Variants in PTPRJ observed in about 807,000 individuals in gnomAD.
The protein encoded by PTPRJ is receptor-type tyrosine-protein phosphatase eta.
Under a neutral mutation model 141.3 loss-of-function variants are expected in PTPRJ, and 129 were observed. That is an observed-to-expected ratio of 0.91 (90% CI 0.79 to 1.06). PTPRJ has a LOEUF of 1.06. Ranked by LOEUF, PTPRJ falls within the 50% of genes least tolerant of loss-of-function variation. The probability of loss-of-function intolerance (pLI) is 0.00; values close to 1 mark genes in which losing one functional copy is unlikely to be tolerated. For synonymous variants in PTPRJ, 610 were observed against 640.5 expected, an observed-to-expected ratio of 0.95 and a Z score of 0.72; for missense variants, 1,601 against 1,679.7, an observed-to-expected ratio of 0.95 and a Z score of 0.82.
intron 23 of PTPRJ, 75 bp downstream of exon 23, chr11:48,163,693 G>A: frequency 6.9e-7 from 1 of 1,457,274 alleles, no homozygotes. Flanking sequence ...CAAAAGCAAA[G>A]CCTAAGAGGG....
chr11:48,005,783 C>G (rs1854605907), intron 1 of PTPRJ, among the ~76,000 whole-genome samples: 1 of 152,202 alleles, frequency 6.6e-6, no homozygotes, highest in East Asian at 1.9e-4. Context: ...TCTGCCCTTA[C>G]TGGGCTGGGT....
rs951159530 is a variant in PTPRJ, at chr11:48,113,093, T to C, written c.352+110T>C. On this transcript the variant is annotated intron_variant, in intron 3 of 24. Coordinates refer to ENST00000418331, the MANE Select transcript of PTPRJ (RefSeq NM_002843.4). ...TCTTTTAATTACCTAAGAAAATCTT[T>C]TTAAAAATTTTTATAAAGATAGTAA... is the stretch of plus-strand genomic sequence containing the variant. The C allele has an allele frequency of 4.3e-5, 37 of 868,154 alleles. No homozygotes were observed. In the African/African-American group the frequency reaches 6.0e-4, roughly 14 times the overall value. 53.8% of individuals were successfully genotyped at this position (868,154 alleles called of 1,614,324 possible).
rs1206772841 is a variant in PTPRJ at position 48,163,470 on chromosome 11, G to A, written c.3571G>A (p.Glu1191Lys). 1 of 1,613,882 alleles carries A rather than the reference G, an allele frequency of 6.2e-7. No homozygotes were observed. Among genetic ancestry groups the A allele is most frequent in the African/African-American group, 1.3e-5 (1 of 74,880 alleles). The change falls in exon 23 of 25, where the codon GAG becomes AAG. Residue 1191 changes from glutamate (E) to lysine (K), a missense_variant. Coordinates refer to ENST00000418331, the MANE Select transcript of PTPRJ (RefSeq NM_002843.4). ...DFTVKNIQTS[E>K]SHPLRQFHFT... Reference sequence around the variant, plus strand: ...TCTGGGCTTTTAGATCCAGACAAGTGAGAGTCACCCTCTGAGACAGTTCCA... The same window carrying A: ...TCTGGGCTTTTAGATCCAGACAAGTAAGAGTCACCCTCTGAGACAGTTCCA...
intron 8 of PTPRJ, chr11:48,131,634 A>G (rs1197020683): frequency 1.4e-6 from 1 of 717,656 alleles, no homozygotes; most frequent in Non-Finnish European, 2.6e-6. Flanking sequence ...GATCACAGCC[A>G]TGTTCATTTG....
At chr11:48,156,236 A>T in intron 21 of PTPRJ, 117 bp downstream of exon 21, 4 of 841,776 alleles carry the variant, frequency 4.8e-6, no homozygotes, top group Non-Finnish European at 7.1e-6. Context: ...TTAGCACTTT[A>T]TTCTTATAAA....
chr11:48,065,896 T>C (rs1269720880), intron 1 of PTPRJ, among the ~76,000 whole-genome samples: 1 of 152,264 alleles, frequency 6.6e-6, no homozygotes, highest in Non-Finnish European at 1.5e-5. Flanking sequence ...GTTTAACCAC[T>C]ATACCATGCT....
intron 11 of PTPRJ, among the ~76,000 whole-genome samples, 166 bp from the exon 12 acceptor site, chr11:48,142,753 C>A (rs911672935): frequency 6.6e-6 from 1 of 152,152 alleles, no homozygotes; most frequent in Non-Finnish European, 1.5e-5. Flanking sequence ...TGCTCCTCAC[C>A]AGTTTCCTTC....
intron 6 of PTPRJ, among the ~76,000 whole-genome samples, chr11:48,126,275 G>T (rs138067645): frequency 6.6e-6 from 1 of 152,112 alleles, no homozygotes; most frequent in Non-Finnish European, 1.5e-5. Context: ...AAGCAAAGTA[G>T]TAGTGATTAC....
chr11:48,139,567 G>C lies in PTPRJ; in HGVS notation c.2234G>C (p.Gly745Ala), dbSNP rs1378207938. The C allele has an allele frequency of 1.9e-6, 3 of 1,614,132 alleles. No individual in the cohort carries two copies. The African/African-American group carries it at 4.0e-5, about 22-fold the overall frequency. The change falls in exon 11 of 25, where the codon GGC becomes GCC. Residue 745 changes from glycine (G) to alanine (A), a missense_variant. Gly to Ala is a moderately conservative substitution (Grantham distance 60). Transcript: ENST00000418331. ...ALVLKWTCPP[G>A]ANAGFELEVS... ...GTTCTCAAATGGACCTGCCCTCCTGGCGCCAATGCAGGCTTTGAGCTGGAG... is the reference window on the plus strand; with the variant it reads ...GTTCTCAAATGGACCTGCCCTCCTGCCGCCAATGCAGGCTTTGAGCTGGAG...
At chr11:48,057,026 A>T (rs948847930) in intron 1 of PTPRJ, among the ~76,000 whole-genome samples, 5 of 152,304 alleles carry the variant, frequency 3.3e-5, no homozygotes, top group African/African-American at 1.2e-4. Flanking sequence ...GCTCATAAAT[A>T]TGAAAAGAGC....
intron 1 of PTPRJ, among the ~76,000 whole-genome samples, chr11:47,986,889 A>C (rs1363181585): frequency 6.6e-6 from 1 of 152,158 alleles, no homozygotes; most frequent in African/African-American, 2.4e-5. Context: ...AGATGAACTG[A>C]GCTCAGTCAC....
At chr11:48,038,244 C>A (rs1010628283) in intron 1 of PTPRJ, among the ~76,000 whole-genome samples, 3 of 152,082 alleles carry the variant, frequency 2.0e-5, no homozygotes, top group Non-Finnish European at 2.9e-5. Flanking sequence ...GCTTGGTGAA[C>A]AAGTGTTCAT....
intron 1 of PTPRJ, among the ~76,000 whole-genome samples, chr11:48,056,675 A>G (rs974263151): frequency 6.6e-6 from 1 of 152,170 alleles, no homozygotes; most frequent in African/African-American, 2.4e-5. Context: ...CTCGGCAGCC[A>G]GGTGTGGTGG....
intron 1 of PTPRJ, among the ~76,000 whole-genome samples, chr11:48,104,262 G>T (rs1433346807): frequency 6.6e-6 from 1 of 152,154 alleles, no homozygotes; most frequent in East Asian, 1.9e-4. Context: ...GGTTCAGTGG[G>T]AGGGCCCACC....
intron 15 of PTPRJ, among the ~76,000 whole-genome samples, chr11:48,148,686 C>T (rs957751676): frequency 1.1e-4 from 17 of 152,158 alleles, no homozygotes; most frequent in Non-Finnish European, 1.8e-4. Flanking sequence ...CCACCCGCCT[C>T]GGCCTCTTAA....
At chr11:48,036,778 C>G (rs1370378041) in intron 1 of PTPRJ, among the ~76,000 whole-genome samples, 1 of 152,184 alleles carries the variant, frequency 6.6e-6, no homozygotes, top group African/African-American at 2.4e-5. Flanking sequence ...TGTGAGTTCT[C>G]CTGTCTTTTT....
intron 1 of PTPRJ, among the ~76,000 whole-genome samples, chr11:48,001,333 G>T (rs1854491384): frequency 6.8e-6 from 1 of 147,984 alleles, no homozygotes; most frequent in African/African-American, 2.5e-5. Context: ...CTTACCTTTT[G>T]CAGTGACAGC....
intron 1 of PTPRJ, among the ~76,000 whole-genome samples, chr11:48,093,487 G>A (rs1855922949): frequency 3.3e-5 from 5 of 152,116 alleles, no homozygotes; most frequent in Admixed American, 3.3e-4. Context: ...GAAAACCTCT[G>A]CTGTCTATTT....
At chr11:48,154,379 T>C (rs955279159) in intron 19 of PTPRJ, among the ~76,000 whole-genome samples, 1 of 152,246 alleles carries the variant, frequency 6.6e-6, no homozygotes, top group African/African-American at 2.4e-5. Context: ...TAAGTATGAC[T>C]TATATTTAGC....
Sources: allele counts gnomAD v4.1 joint callset (sites outside exome capture counted in the v4.1 genomes callset), GRCh38; gene constraint gnomAD v4.1.1; transcripts MANE v1.5; gene names NCBI Gene and HGNC (gene_info 2026-07-23, HGNC 2026-07-21).